Variants in KLHL2 observed in about 807,000 individuals in gnomAD.
The protein encoded by KLHL2 is kelch like family member 2.
KLHL2 carries 15 observed loss-of-function variants against 75.8 expected under a neutral mutation model. The observed-to-expected ratio is 0.20, with a 90% CI of 0.13 to 0.30. The LOEUF (loss-of-function observed/expected upper bound fraction) is 0.30, where lower values mean the gene tolerates loss of function less well. KLHL2 is among the 10% of genes least tolerant of loss of function. The pLI is 1.00. For synonymous variants in KLHL2, 214 were observed against 251.9 expected, an observed-to-expected ratio of 0.85 and a Z score of 1.42; for missense variants, 381 against 741.0, an observed-to-expected ratio of 0.51 and a Z score of 5.64.
chr4:165,239,266 T>C lies in KLHL2; in HGVS notation c.381+367T>C, dbSNP rs1013785378. 3.3e-4 allele frequency among the ~76,000 whole-genome samples: 31 copies of C among 94,314 alleles called. 1 individual carries two copies. Among genetic ancestry groups the C allele is most frequent in the South Asian group, 5.2e-4 (2 of 3,834 alleles). 61.9% of individuals were successfully genotyped at this position (94,314 alleles called of 152,430 possible). The stretch of plus-strand genomic sequence containing the variant: ...CTGCCAATATTTTTTATTTCTGTCT[T>C]TTTTTTTTTTTTTTTGATACCCGAT... On this transcript the variant is annotated intron_variant, in intron 4 of 14. Transcript: ENST00000226725.
chr4:165,240,366 T>A (rs1378644272), intron 4 of KLHL2: 1 of 152,326 alleles, frequency 6.6e-6, no homozygotes, highest in South Asian at 2.1e-4. Flanking sequence ...TAAGACATGC[T>A]ATCGATTGTT....
At chr4:165,275,979 AG>A (rs1743056895) in intron 5 of KLHL2, among the ~76,000 whole-genome samples, 1 of 151,580 alleles carries the variant, frequency 6.6e-6, no homozygotes, top group Middle Eastern at 3.2e-3. Context: ...AAAAAAAAAA[AG>A]AGCCAGGCAT....
At chr4:165,243,137 A>G (rs1739956999) in intron 4 of KLHL2, among the ~76,000 whole-genome samples, 1 of 152,238 alleles carries the variant, frequency 6.6e-6, no homozygotes, top group South Asian at 2.1e-4. Flanking sequence ...AAATTATTCA[A>G]GATACATGCT....
intron 2 of KLHL2, among the ~76,000 whole-genome samples, chr4:165,227,564 C>T (rs1738538492): frequency 2.0e-5 from 3 of 152,170 alleles, no homozygotes; most frequent in Admixed American, 2.0e-4. Context: ...CCTGCATGCA[C>T]TATGCACATA....
intron 1 of KLHL2, chr4:165,208,322 AAATG>A (rs1198189577): frequency 6.5e-6 from 1 of 154,608 alleles, no homozygotes; most frequent in Non-Finnish European, 1.4e-5. Flanking sequence ...CCCGCTGTCT[AAATG>A]AATTGATCTT....
chr4:165,263,378 A>T lies in KLHL2; in HGVS notation c.544+19A>T. The T allele has an allele frequency of 6.2e-7, 1 of 1,606,214 alleles. No homozygotes were observed. The highest frequency in any genetic ancestry group is 8.5e-7 in the Non-Finnish European group (1 of 1,174,152). On this transcript the variant is annotated intron_variant, in intron 5 of 14. Transcript: ENST00000226725. Reference sequence around the variant, plus strand: ...TATGCAGGCAAGTGGAGTAGACCTCAGCTGAATTTGGGAGGAAACTGCTTG... The same window carrying T: ...TATGCAGGCAAGTGGAGTAGACCTCTGCTGAATTTGGGAGGAAACTGCTTG...
At chr4:165,214,506 T>C (rs1282863932) in intron 1 of KLHL2, among the ~76,000 whole-genome samples, 1 of 152,178 alleles carries the variant, frequency 6.6e-6, no homozygotes, top group Non-Finnish European at 1.5e-5. Flanking sequence ...GAGAGAAAGC[T>C]GAGTTGAACT....
At chr4:165,256,874 G>T (rs535760412) in intron 4 of KLHL2, among the ~76,000 whole-genome samples, 2 of 152,122 alleles carry the variant, frequency 1.3e-5, no homozygotes, top group East Asian at 1.9e-4. Flanking sequence ...CAAAAAAGGG[G>T]TCATACTGTA....
chr4:165,309,249 G>A (rs937514832), intron 9 of KLHL2, among the ~76,000 whole-genome samples: 41 of 152,268 alleles, frequency 2.7e-4, no homozygotes, highest in African/African-American at 9.1e-4. Flanking sequence ...TATAGGGTTC[G>A]GGAGCTGGAC....
intron 5 of KLHL2, among the ~76,000 whole-genome samples, chr4:165,264,453 A>C (rs554161672): frequency 2.0e-4 from 31 of 151,628 alleles, no homozygotes; most frequent in African/African-American, 7.5e-4. Flanking sequence ...GCTCCCACTT[A>C]TAAGTGTGAA....
In KLHL2 at chr4:165,318,407, A is replaced by AT. The variant is rs575516448; in HGVS notation, c.1753+444dup. 1.8e-3 allele frequency among the ~76,000 whole-genome samples: 274 copies of AT among 152,234 alleles called. 2 individuals carry two copies. The highest frequency in any genetic ancestry group is 6.4e-3 in the African/African-American group (264 of 41,538). ...AGTACTGGTTGAGTTATAAAATGTGATTTTTTGGTCCATTCTCTTAGTAAG... is the reference window on the plus strand; with the variant it reads ...AGTACTGGTTGAGTTATAAAATGTGATTTTTTTGGTCCATTCTCTTAGTAAG... On this transcript the variant is annotated intron_variant, in intron 14 of 14. Transcript: ENST00000226725.
At chr4:165,208,990 C>T (rs1359300916) in intron 1 of KLHL2, among the ~76,000 whole-genome samples, 1 of 152,080 alleles carries the variant, frequency 6.6e-6, no homozygotes, top group African/African-American at 2.4e-5. Flanking sequence ...GATGTTCAGC[C>T]CTTTTAGGAG....
intron 7 of KLHL2, 36 bp downstream of exon 7, chr4:165,297,761 C>T: frequency 1.4e-5 from 16 of 1,174,824 alleles, no homozygotes; most frequent in Non-Finnish European, 1.9e-5. Context: ...ATCCACACAG[C>T]ACTGTGTCAC....
rs1579196045 is a variant in KLHL2 at position 165,317,843 on chromosome 4, G to A, written c.1627G>A (p.Gly543Ser). 1.9e-6 allele frequency: 3 copies of A among 1,610,930 alleles called. No homozygotes were observed. Among genetic ancestry groups the A allele is most frequent in the East Asian group, 4.5e-5 (2 of 44,848 alleles). Reference sequence around the variant, plus strand: ...TTTTAAAGGAGTTTGTGCAGTTAATGGTCTGTTATATGTTGTTGGAGGGGA... The same window carrying A: ...TTTTAAAGGAGTTTGTGCAGTTAATAGTCTGTTATATGTTGTTGGAGGGGA... ...RRNAGVCAVN[G>S]LLYVVGGDDG... The change falls in exon 14 of 15, where the codon GGT (glycine) becomes AGT (serine). Residue 543 changes from glycine to serine, a missense_variant. Gly to Ser is a moderately conservative substitution (Grantham distance 56, BLOSUM62 0). Coordinates refer to ENST00000226725, the MANE Select transcript of KLHL2 (RefSeq NM_007246.4).
chr4:165,282,795 G>C (rs1017357904), intron 5 of KLHL2, among the ~76,000 whole-genome samples: 1 of 148,678 alleles, frequency 6.7e-6, no homozygotes, highest in African/African-American at 2.5e-5. Flanking sequence ...TTAGAGCAAC[G>C]TACAGAAGAA....
At chr4:165,278,662 A>T (rs755702454) in intron 5 of KLHL2, 52 of 1,599,858 alleles carry the variant, frequency 3.3e-5, no homozygotes, top group Non-Finnish European at 3.4e-5. Flanking sequence ...GCCAGCGAAT[A>T]ACAGCACCAG....
In KLHL2 at chr4:165,322,011, T is replaced by C. The variant is rs576326102; in HGVS notation, c.1754-21T>C. 49 of 1,612,758 alleles carry C rather than the reference T, an allele frequency of 3.0e-5. 1 individual carries two copies. In the South Asian group the frequency reaches 5.4e-4, roughly 18 times the overall value. ...AGTGCTGCCTGTGACTTCTTTTTTC[T>C]CTCTTCATTTCTTTGCTCAGGGGTC... On this transcript the variant is annotated intron_variant, in intron 14 of 14. Transcript: ENST00000226725.
Position 165,294,484 on chromosome 4 carries a change from T to A in KLHL2, c.654+16T>A. The A allele has an allele frequency of 7.0e-7, 1 of 1,435,492 alleles. No homozygotes were observed. The highest frequency in any genetic ancestry group is 9.8e-7 in the Non-Finnish European group (1 of 1,023,808). 88.9% of individuals were successfully genotyped at this position (1,435,492 alleles called of 1,614,324 possible). A position where few individuals can be genotyped will look rare whatever the true frequency, so the allele number is the denominator to read the frequency against. ...AGAAGAGAAGGTAAGGATATTTTTC[T>A]TTTCCCAGTGTGCAATGATGTTTCC... On this transcript the variant is annotated intron_variant, in intron 6 of 14. Transcript: ENST00000226725.
intron 1 of KLHL2, among the ~76,000 whole-genome samples, chr4:165,214,024 C>G (rs1011873034): frequency 1.3e-5 from 2 of 152,094 alleles, no homozygotes; most frequent in African/African-American, 4.8e-5. Context: ...TATAAGTAGT[C>G]TGAAGCCCAG....
Sources: allele counts gnomAD v4.1 joint callset (sites outside exome capture counted in the v4.1 genomes callset), GRCh38; gene constraint gnomAD v4.1.1; transcripts MANE v1.5; gene names NCBI Gene and HGNC (gene_info 2026-07-23, HGNC 2026-07-21).